Variants in PPM1E observed in about 807,000 individuals in gnomAD.
PPM1E encodes the protein protein phosphatase, Mg2+/Mn2+ dependent 1E, also known as protein phosphatase 1E.
In PPM1E, 20 loss-of-function variants were observed where a neutral mutation model predicts 65.9. The ratio of observed to expected loss-of-function variants is 0.30; its 90% CI spans 0.21 to 0.44. The LOEUF is 0.44. Among genes scored for constraint, PPM1E ranks in the 20% least tolerant of loss-of-function variants. PPM1E has a pLI of 1.00. For synonymous variants in PPM1E, 352 were observed against 374.9 expected, an observed-to-expected ratio of 0.94 and a Z score of 0.70; for missense variants, 713 against 953.1, an observed-to-expected ratio of 0.75 and a Z score of 3.32.
intron 1 of PPM1E, among the ~76,000 whole-genome samples, chr17:58,810,349 G>A (rs1191890976): frequency 5.9e-5 from 9 of 152,054 alleles, no homozygotes; most frequent in Non-Finnish European, 1.2e-4. Flanking sequence ...TGGGATTACA[G>A]GCACGCGCCA....
intron 1 of PPM1E, among the ~76,000 whole-genome samples, chr17:58,831,367 AG>A (rs2050604136): frequency 6.6e-6 from 1 of 152,316 alleles, no homozygotes; most frequent in South Asian, 2.1e-4. Flanking sequence ...GAACTGAGTA[AG>A]GGAATACACT....
At chr17:58,879,415 A>G (rs2051164587) in intron 1 of PPM1E, among the ~76,000 whole-genome samples, 1 of 149,254 alleles carries the variant, frequency 6.7e-6, no homozygotes, top group Non-Finnish European at 1.5e-5. Flanking sequence ...TGCTTGGCCA[A>G]TTGTTTACTC....
At chr17:58,868,698 T>C (rs1460568866) in intron 1 of PPM1E, among the ~76,000 whole-genome samples, 1 of 152,176 alleles carries the variant, frequency 6.6e-6, no homozygotes, top group African/African-American at 2.4e-5. Context: ...TATTTGGTTT[T>C]CTTCCCTGTT....
chr17:58,842,993 G>A (rs1057451197), intron 1 of PPM1E, among the ~76,000 whole-genome samples: 7 of 151,754 alleles, frequency 4.6e-5, no homozygotes, highest in Non-Finnish European at 1.0e-4. Context: ...ATTTTAAAAA[G>A]TGTAGAACAG....
intron 1 of PPM1E, among the ~76,000 whole-genome samples, chr17:58,954,535 C>G (rs1181945014): frequency 6.6e-6 from 1 of 152,130 alleles, no homozygotes; most frequent in Non-Finnish European, 1.5e-5. Flanking sequence ...CACTATGATT[C>G]ACTTCCTCTG....
At chr17:58,875,026 CT>C (rs2051113352) in intron 1 of PPM1E, among the ~76,000 whole-genome samples, 1 of 152,062 alleles carries the variant, frequency 6.6e-6, no homozygotes. Flanking sequence ...GTCCTTTTAA[CT>C]CATAAAATCA....
At chr17:58,865,703 A>AAAAC (rs953521066) in intron 1 of PPM1E, among the ~76,000 whole-genome samples, 3 of 152,208 alleles carry the variant, frequency 2.0e-5, no homozygotes, top group Non-Finnish European at 4.4e-5. Flanking sequence ...CCTGTCTCAA[A>AAAAC]AAACAAACAA....
At chr17:58,788,598 A>G (rs2050127085) in intron 1 of PPM1E, among the ~76,000 whole-genome samples, 1 of 152,232 alleles carries the variant, frequency 6.6e-6, no homozygotes, top group African/African-American at 2.4e-5. Flanking sequence ...TCTTGGTAAC[A>G]TTTAAAAGAA....
At chr17:58,891,832 CTTTTTTTTT>C (rs5821250) in intron 1 of PPM1E, among the ~76,000 whole-genome samples, 2 of 85,496 alleles carry the variant, frequency 2.3e-5, no homozygotes, top group Admixed American at 1.5e-4. Flanking sequence ...TTTTCTTTTT[CTTTTTTTTT>C]TTTTTTTTTT....
chr17:58,973,842 C>G (rs1245375732), intron 6 of PPM1E, among the ~76,000 whole-genome samples: 1 of 148,586 alleles, frequency 6.7e-6, no homozygotes, highest in Non-Finnish European at 1.5e-5. Context: ...GTCCCAGCTA[C>G]TTGGGAGGTT....
At chr17:58,906,695 ATTAT>A (rs1376515640) in intron 1 of PPM1E, among the ~76,000 whole-genome samples, 1 of 151,704 alleles carries the variant, frequency 6.6e-6, no homozygotes, top group Non-Finnish European at 1.5e-5. Context: ...ATTAATTTTT[ATTAT>A]TTATTTCCTT....
At chr17:58,833,383 C>T (rs558186260) in intron 1 of PPM1E, among the ~76,000 whole-genome samples, 4 of 149,784 alleles carry the variant, frequency 2.7e-5, no homozygotes, top group Admixed American at 1.4e-4. Context: ...GTTACCTCAC[C>T]GCACCCCCAC....
chr17:58,943,992 C>A (rs1435752536), intron 1 of PPM1E, among the ~76,000 whole-genome samples: 1 of 152,160 alleles, frequency 6.6e-6, no homozygotes, highest in African/African-American at 2.4e-5. Context: ...AACATACCTG[C>A]ATCTGTACTG....
intron 1 of PPM1E, among the ~76,000 whole-genome samples, chr17:58,807,128 T>C (rs1034298059): frequency 7.6e-4 from 116 of 152,340 alleles, no homozygotes; most frequent in Non-Finnish European, 2.1e-4. Context: ...AAATGTCTTA[T>C]GATAATTGTT....
intron 1 of PPM1E, among the ~76,000 whole-genome samples, chr17:58,812,603 C>T (rs2050380003): frequency 6.6e-6 from 1 of 151,998 alleles, no homozygotes; most frequent in African/African-American, 2.4e-5. Context: ...GCTCTGTCGC[C>T]CGTGTTGGGG....
At chr17:58,899,755 G>A (rs1238099965) in intron 1 of PPM1E, 2 of 154,926 alleles carry the variant, frequency 1.3e-5, no homozygotes, top group African/African-American at 4.8e-5. Context: ...TTCATGAGAG[G>A]AGGTCAAAAT....
Position 58,848,867 on chromosome 17 carries a change from G to A in PPM1E, c.464+92406G>A, listed in dbSNP as rs111551712. Reference sequence around the variant, plus strand: ...GGAATGGTACCAGCTCCTCTTTGTAGCTCTGGTAGAATTCAGCTGTGAATC... The same window carrying A: ...GGAATGGTACCAGCTCCTCTTTGTAACTCTGGTAGAATTCAGCTGTGAATC... On this transcript the variant is annotated intron_variant, in intron 1 of 6. Transcript: ENST00000308249. 8.1e-3 allele frequency among the ~76,000 whole-genome samples: 1,237 copies of A among 152,118 alleles called. 18 individuals carry two copies. The highest frequency in any genetic ancestry group is 0.028 in the African/African-American group (1,149 of 41,548).
In PPM1E at chr17:58,969,581, G is replaced by A; in HGVS notation, c.826G>A (p.Gly276Arg). The stretch of plus-strand genomic sequence containing the variant: ...TTACTTTGCAGTGTTTGATGGCCAT[G>A]GGGGAGTAGATGCTGCTATTTATGC... ...QAYFAVFDGH[G>R]GVDAAIYASI... Residue 276 changes from glycine to arginine, a missense_variant, in exon 4 of 7, where the codon GGG becomes AGG. Gly to Arg is a moderately radical substitution (Grantham distance 125, BLOSUM62 -2). This residue lies in a region of PPM1E where 25 missense variants were observed against 73.9 expected (regional missense o/e 0.34). Transcript: ENST00000308249. 1 of 1,614,138 alleles carries A rather than the reference G, an allele frequency of 6.2e-7. No homozygotes were observed. The highest frequency in any genetic ancestry group is 8.5e-7 in the Non-Finnish European group (1 of 1,180,020).
chr17:58,855,961 A>G (rs2050878029), intron 1 of PPM1E, among the ~76,000 whole-genome samples: 1 of 152,324 alleles, frequency 6.6e-6, no homozygotes, highest in African/African-American at 2.4e-5. Context: ...TAGAAGATAC[A>G]TAGGGAAAAT....
Sources: allele counts gnomAD v4.1 joint callset (sites outside exome capture counted in the v4.1 genomes callset), GRCh38; gene constraint gnomAD v4.1.1; regional missense constraint gnomAD v4.1.1; transcripts MANE v1.5; gene names NCBI Gene and HGNC (gene_info 2026-07-23, HGNC 2026-07-21).